Variants in PCDHGA11 observed in about 807,000 individuals in gnomAD.
The protein encoded by PCDHGA11 is protocadherin gamma subfamily A, 11.
Under a neutral mutation model 60.4 loss-of-function variants are expected in PCDHGA11, and 39 were observed. The ratio of observed to expected loss-of-function variants is 0.65; its 90% CI spans 0.50 to 0.84. The LOEUF (loss-of-function observed/expected upper bound fraction) is 0.84. Ranked by LOEUF, PCDHGA11 falls within the 40% of genes least tolerant of loss-of-function variation. The pLI, the probability that PCDHGA11 is intolerant of heterozygous loss-of-function variation, is 0.00. For synonymous variants in PCDHGA11, 533 were observed against 510.3 expected (o/e 1.04, Z -0.60); for missense variants, 1,165 against 1,197.7 (o/e 0.97, Z 0.40).
rs1196881147 is a variant in PCDHGA11, at chr5:141,423,384, C to G, written c.2157C>G (p.Arg719=). ...TGCTGCTGGCACTCAGGCTGTGGCG[C>G]TGGCATAAGTCACGCCTGCTGCAGG... ...VIVLLALRLW[R]WHKSRLLQAS... is the part of the protein sequence containing the mutation. The change falls in exon 1 of 4, where the codon CGC becomes CGG. Residue 719 remains arginine, a synonymous_variant. Transcript: ENST00000398587. 6.2e-7 allele frequency: 1 copy of G among 1,614,054 alleles called. No individual in the cohort carries two copies. The highest frequency in any genetic ancestry group is 8.5e-7 in the Non-Finnish European group (1 of 1,180,014).
At position 141,422,838 on chromosome 5, in the gene PCDHGA11, C is replaced by T. The variant is rs201218542; in HGVS notation, c.1611C>T (p.Asp537=). The T allele has an allele frequency of 1.1e-4, 182 of 1,614,252 alleles. No individual in the cohort carries two copies. The highest frequency in any genetic ancestry group is 1.6e-4 in the Middle Eastern group (1 of 6,062). The change falls in exon 1 of 4, where the codon GAC becomes GAT. Residue 537 remains aspartate, a synonymous_variant. Transcript: ENST00000398587. The part of the protein sequence containing the change: ...RDLELRVIAR[D]SGDPPLSSNV... ...TAGAACTGAGAGTGATAGCACGTGA[C>T]AGCGGGGACCCGCCCCTCAGCAGCA... is the stretch of plus-strand genomic sequence containing the variant.
chr5:141,428,199 C>T (rs760718878), intron 1 of PCDHGA11: 28 of 1,364,510 alleles, frequency 2.1e-5, no homozygotes, highest in Non-Finnish European at 2.9e-5. Flanking sequence ...CTCTCTGCGC[C>T]GCTACGCTTC....
At chr5:141,492,506 C>T (rs2154587372) in intron 1 of PCDHGA11, among the ~76,000 whole-genome samples, 2 of 152,318 alleles carry the variant, frequency 1.3e-5, no homozygotes, top group South Asian at 4.1e-4. Context: ...ACTCCGGAGC[C>T]TCCTCTCACC....
At chr5:141,469,425 C>T (rs1035406646) in intron 1 of PCDHGA11, among the ~76,000 whole-genome samples, 1 of 151,622 alleles carries the variant, frequency 6.6e-6, no homozygotes, top group East Asian at 1.9e-4. Context: ...AAATATAAAA[C>T]TTAGCTGGGC....
Position 141,486,895 on chromosome 5 carries a change from C to T in PCDHGA11, c.2434-7912C>T, listed in dbSNP as rs1286004461. ...TCCGTCCTCGGGCCCGGCCTGGTTC[C>T]TTATGTCCCCAAGCACTGCCTCCAT... On this transcript the variant is annotated intron_variant, in intron 1 of 3. Coordinates refer to ENST00000398587, the MANE Select transcript of PCDHGA11 (RefSeq NM_018914.3). This position sits in a 1 kb window ranked among gnomAD's most constrained non-coding sequence, Gnocchi z 5.0. 3 of 1,614,134 alleles carry T rather than the reference C, an allele frequency of 1.9e-6. No homozygotes were observed. The highest frequency in any genetic ancestry group is 3.3e-5 in the Admixed American group (2 of 60,012).
In PCDHGA11 at chr5:141,430,950, T is replaced by A. The variant is rs756423770; in HGVS notation, c.2433+7290T>A. 7 of 1,609,862 alleles carry A rather than the reference T, an allele frequency of 4.3e-6. No individual in the cohort carries two copies. Among genetic ancestry groups the A allele is most frequent in the Non-Finnish European group, 5.1e-6 (6 of 1,178,368 alleles). On this transcript the variant is annotated intron_variant, in intron 1 of 3. Transcript: ENST00000398587. ...CCCCGGGAGCTCGCGGAGCGCGGAG[T>A]CCGCATCATCCCCAGAGGTAGGACG... is the stretch of plus-strand genomic sequence containing the variant.
rs966291038 is a variant in PCDHGA11, at chr5:141,487,740, G to A, written c.2434-7067G>A. 4 of 1,562,290 alleles carry A rather than the reference G, an allele frequency of 2.6e-6. No individual in the cohort carries two copies. The highest frequency in any genetic ancestry group is 1.7e-6 in the Non-Finnish European group (2 of 1,151,972). On this transcript the variant is annotated intron_variant, in intron 1 of 3. Transcript: ENST00000398587. The surrounding 1 kb of genome is among the most constrained non-coding windows in gnomAD (Gnocchi z 5.0). ...CATAGTGATGTCACCATTTTTGTAAGAGGTAACTATGTGGTAGACGCTGTG... is the reference window on the plus strand; with the variant it reads ...CATAGTGATGTCACCATTTTTGTAAAAGGTAACTATGTGGTAGACGCTGTG...
At chr5:141,501,606 G>A (rs2099810134) in intron 2 of PCDHGA11, among the ~76,000 whole-genome samples, 1 of 152,012 alleles carries the variant, frequency 6.6e-6, no homozygotes, top group African/African-American at 2.4e-5. Flanking sequence ...AGTTCCAGCT[G>A]TGTGACTCTG....
intron 1 of PCDHGA11, among the ~76,000 whole-genome samples, chr5:141,457,387 T>A (rs530736201): frequency 2.0e-5 from 3 of 152,340 alleles, no homozygotes; most frequent in Non-Finnish European, 2.9e-5. Context: ...AGAACTAGCA[T>A]ATTGATTCAC....
rs532517723 is a variant in PCDHGA11, at chr5:141,486,244, A to G, written c.2434-8563A>G. The G allele has an allele frequency of 1.2e-5, 19 of 1,614,068 alleles. No homozygotes were observed. The Admixed American group carries it at 2.3e-4, about 20-fold the overall frequency. On this transcript the variant is annotated intron_variant, in intron 1 of 3. Coordinates refer to ENST00000398587, the MANE Select transcript of PCDHGA11 (RefSeq NM_018914.3). This position sits in a 1 kb window ranked among gnomAD's most constrained non-coding sequence, Gnocchi z 5.0. ...ACATCACAGTGACCTCAGAGCTTGGAACCCTCCCCGAGAGTGCAGAACCTG... is the reference window on the plus strand; with the variant it reads ...ACATCACAGTGACCTCAGAGCTTGGGACCCTCCCCGAGAGTGCAGAACCTG...
chr5:141,500,124 A>G (rs1042231430), intron 2 of PCDHGA11, among the ~76,000 whole-genome samples: 2 of 151,656 alleles, frequency 1.3e-5, no homozygotes, highest in African/African-American at 2.4e-5. Flanking sequence ...GCCTTTTCAT[A>G]TATATCTTTC....
chr5:141,428,111 C>G (rs760446304), intron 1 of PCDHGA11: 2 of 1,607,622 alleles, frequency 1.2e-6, no homozygotes, highest in Non-Finnish European at 1.7e-6. Context: ...TGCTGCAGGC[C>G]ATCGAGCCCG....
intron 1 of PCDHGA11, among the ~76,000 whole-genome samples, chr5:141,470,896 T>C (rs1370454369): frequency 6.6e-6 from 1 of 151,980 alleles, no homozygotes; most frequent in Non-Finnish European, 1.5e-5. Context: ...TTTTGTTTTT[T>C]GTAGAGATGG....
intron 1 of PCDHGA11, chr5:141,479,712 C>T (rs1488849933): frequency 6.6e-6 from 1 of 152,216 alleles, no homozygotes; most frequent in Non-Finnish European, 1.5e-5. Flanking sequence ...CCCTGTCCTT[C>T]CAGCCTTATT....
At position 141,432,181 on chromosome 5, in the gene PCDHGA11, G is replaced by A. The variant is rs1443322706; in HGVS notation, c.2433+8521G>A. 3.7e-6 allele frequency: 6 copies of A among 1,614,116 alleles called. No homozygotes were observed. In the South Asian group the frequency reaches 6.6e-5, roughly 18 times the overall value. On this transcript the variant is annotated intron_variant, in intron 1 of 3. Coordinates refer to ENST00000398587, the MANE Select transcript of PCDHGA11 (RefSeq NM_018914.3). This position sits in a 1 kb window ranked among gnomAD's most constrained non-coding sequence, Gnocchi z 6.0. ...CCAGAGGAGTTTCCCTCGTCTCTGTGACCGCCCACGACCCCGACTGTGAAG... is the reference window on the plus strand; with the variant it reads ...CCAGAGGAGTTTCCCTCGTCTCTGTAACCGCCCACGACCCCGACTGTGAAG...
At chr5:141,430,751 A>G in intron 1 of PCDHGA11, 1 of 1,496,066 alleles carries the variant, frequency 6.7e-7, no homozygotes, top group Non-Finnish European at 8.9e-7. Context: ...ATTCTGGAGG[A>G]AGATAAGAAT....
Position 141,491,944 on chromosome 5 carries a change from C to T in PCDHGA11, c.2434-2863C>T, listed in dbSNP as rs1245968796. ...CGAGGGGAGGTGGGACCGACCCCCACCCCTACACTCAAAAAAGGCCGGGGC... is the reference window on the plus strand; with the variant it reads ...CGAGGGGAGGTGGGACCGACCCCCATCCCTACACTCAAAAAAGGCCGGGGC... On this transcript the variant is annotated intron_variant, in intron 1 of 3. Transcript: ENST00000398587. This position sits in a 1 kb window ranked among gnomAD's most constrained non-coding sequence, Gnocchi z 6.9. The T allele has an allele frequency of 1.8e-6, 2 of 1,120,156 alleles. No individual in the cohort carries two copies. Among genetic ancestry groups the T allele is most frequent in the Non-Finnish European group, 2.4e-6 (2 of 822,072 alleles). The allele number at this position is 1,120,156 out of a possible 1,614,324, so 69.4% of individuals were successfully genotyped here. A position where few individuals can be genotyped will look rare whatever the true frequency, so the allele number is the denominator to read the frequency against.
At chr5:141,428,099 C>G (rs1304120001) in intron 1 of PCDHGA11, 4 of 1,608,710 alleles carry the variant, frequency 2.5e-6, no homozygotes, top group Non-Finnish European at 2.5e-6. Flanking sequence ...TGTCCTACCA[C>G]GTGCTGCAGG....
intron 1 of PCDHGA11, among the ~76,000 whole-genome samples, chr5:141,464,702 G>T (rs934638404): frequency 1.3e-5 from 2 of 151,942 alleles, no homozygotes; most frequent in African/African-American, 2.4e-5. Context: ...TATGAATGAG[G>T]TTAAATAGTT....
Sources: gnomAD v4.1 joint callset for allele counts (sites outside exome capture counted in the v4.1 genomes callset) on GRCh38, gnomAD v4.1.1 for gene constraint, Gnocchi (gnomAD v3.1) non-coding constraint, MANE v1.5 for transcripts, NCBI Gene and HGNC (gene_info 2026-07-23, HGNC 2026-07-21) for gene names.